The following SPATA18 variants were observed in gnomAD, a reference collection of about 807,000 sequenced individuals.
The protein encoded by SPATA18 is spermatogenesis associated 18.
Under a neutral mutation model 68.1 loss-of-function variants are expected in SPATA18, and 54 were observed. The ratio of observed to expected loss-of-function variants is 0.79; its 90% CI spans 0.64 to 0.99. The LOEUF (loss-of-function observed/expected upper bound fraction) is 0.99. SPATA18 is among the 50% of genes least tolerant of loss of function. The pLI, the probability that SPATA18 is intolerant of heterozygous loss-of-function variation, is 0.00. For synonymous variants in SPATA18, 242 were observed against 244.8 expected (o/e 0.99, Z 0.11); for missense variants, 724 against 681.1 (o/e 1.06, Z -0.70).
chr4:52,067,442 T>C (rs1050053403), intron 4 of SPATA18, among the ~76,000 whole-genome samples: 1 of 152,096 alleles, frequency 6.6e-6, no homozygotes, highest in East Asian at 1.9e-4. Flanking sequence ...ATAACACCCC[T>C]CCTGATCTGG....
intron 11 of SPATA18, among the ~76,000 whole-genome samples, chr4:52,091,469 T>C (rs562623327): frequency 2.8e-4 from 43 of 152,238 alleles, no homozygotes; most frequent in Non-Finnish European, 5.7e-4. Flanking sequence ...TTGGATGGGG[T>C]CTTTGAGTGG....
At chr4:52,058,467 G>T in intron 1 of SPATA18, among the ~76,000 whole-genome samples, 1 of 152,144 alleles carries the variant, frequency 6.6e-6, no homozygotes, top group East Asian at 1.9e-4. Context: ...GGTGCGAAAG[G>T]CTCTCCAGGT....
chr4:52,062,113 C>T (rs970522572), intron 3 of SPATA18, 107 bp from the exon 4 acceptor site: 50 of 653,364 alleles, frequency 7.7e-5, no homozygotes, highest in Non-Finnish European at 1.1e-4. Context: ...TGCATGGAGC[C>T]GTGCATAATT....
intron 1 of SPATA18, among the ~76,000 whole-genome samples, chr4:52,058,806 G>T (rs1341573744): frequency 6.6e-6 from 1 of 152,046 alleles, no homozygotes; most frequent in Non-Finnish European, 1.5e-5. Flanking sequence ...GGGCTGCTGG[G>T]GTCCAATCTC....
chr4:52,089,951 A>G (rs1741791344), intron 11 of SPATA18, among the ~76,000 whole-genome samples: 1 of 152,230 alleles, frequency 6.6e-6, no homozygotes, highest in South Asian at 2.1e-4. Flanking sequence ...AATTTGCTTT[A>G]TGAATCTGGG....
chr4:52,096,787 G>C lies in SPATA18; in HGVS notation c.*1900G>C, dbSNP rs979597398. 1 of 151,262 alleles carries C rather than the reference G, an allele frequency of 6.6e-6. No homozygotes were observed. The highest frequency in any genetic ancestry group is 2.4e-5 in the African/African-American group (1 of 41,226). 9.4% of individuals were successfully genotyped at this position (151,262 alleles called of 1,614,324 possible). On this transcript the variant is annotated 3_prime_UTR_variant, in exon 13 of 13. Transcript: ENST00000295213. Reference sequence around the variant, plus strand: ...AAAAAAAAAAAAACCTTACAGTCTTGCCCTGATTTACACAGCAGTCACATT... The same window carrying C: ...AAAAAAAAAAAAACCTTACAGTCTTCCCCTGATTTACACAGCAGTCACATT...
chr4:52,086,524 T>C (rs1741450425), intron 11 of SPATA18, among the ~76,000 whole-genome samples: 1 of 152,240 alleles, frequency 6.6e-6, no homozygotes, highest in Admixed American at 6.5e-5. Context: ...TGTTTGGTTT[T>C]CTGATCTTAT....
At chr4:52,076,418 A>T (rs1740345561) in intron 6 of SPATA18, among the ~76,000 whole-genome samples, 1 of 152,216 alleles carries the variant, frequency 6.6e-6, no homozygotes, top group South Asian at 2.1e-4. Context: ...GGTAAAATGC[A>T]TCTACTTGTA....
chr4:52,095,217 G>T lies in SPATA18; in HGVS notation c.*330G>T. 1 of 359,610 alleles carries T rather than the reference G, an allele frequency of 2.8e-6. No individual in the cohort carries two copies. Among genetic ancestry groups the T allele is most frequent in the Non-Finnish European group, 5.0e-6 (1 of 200,462 alleles). The allele number at this position is 359,610 out of a possible 1,614,324, so 22.3% of individuals were successfully genotyped here. A position where few individuals can be genotyped will look rare whatever the true frequency, so the allele number is the denominator to read the frequency against. ...AACACTACGCTCTTTTATGGGAACT[G>T]TGTGAACTGAAGTGGAAAGCATCTA... On this transcript the variant is annotated 3_prime_UTR_variant, in exon 13 of 13. Transcript: ENST00000295213.
intron 5 of SPATA18, among the ~76,000 whole-genome samples, chr4:52,071,005 T>C (rs1348076094): frequency 2.0e-5 from 3 of 152,166 alleles, no homozygotes; most frequent in Non-Finnish European, 2.9e-5. Flanking sequence ...ACTGTTCTAT[T>C]TTCTACTTCT....
At chr4:52,085,385 C>T (rs1017359579) in intron 11 of SPATA18, among the ~76,000 whole-genome samples, 17 of 152,210 alleles carry the variant, frequency 1.1e-4, no homozygotes, top group Admixed American at 7.8e-4. Context: ...AGAAATTACT[C>T]AAATGGTCTG....
rs1363573834 is a variant in SPATA18 at position 52,051,808 on chromosome 4, A to C, written c.87+17A>C. The C allele has an allele frequency of 1.2e-6, 2 of 1,609,486 alleles. No individual in the cohort carries two copies. The highest frequency in any genetic ancestry group is 2.2e-5 in the East Asian group (1 of 44,824). On this transcript the variant is annotated intron_variant, in intron 1 of 12. Transcript: ENST00000295213. Reference sequence around the variant, plus strand: ...GAGTACAACGTGAGTCTGGGTGAAAAACCCCCGGGGTTCGCCCTCCCATAG... The same window carrying C: ...GAGTACAACGTGAGTCTGGGTGAAACACCCCCGGGGTTCGCCCTCCCATAG...
Position 52,062,259 on chromosome 4 carries a change from C to A in SPATA18, c.349C>A (p.Arg117=), listed in dbSNP as rs530243452. ...GGAGAGACATAAAGATCCCAGTCCT[C>A]GGGATCGGGATATGCAACAGTTAGA... ...DRERHKDPSP[R]DRDMQQLDSN... is the part of the protein sequence containing the mutation. Residue 117 remains arginine, a synonymous_variant, in exon 4 of 13, where the codon CGG becomes AGG. Transcript: ENST00000295213. The A allele has an allele frequency of 6.2e-6, 10 of 1,603,156 alleles. No homozygotes were observed. The highest frequency in any genetic ancestry group is 5.1e-5 in the Admixed American group (3 of 59,110).
intron 1 of SPATA18, among the ~76,000 whole-genome samples, chr4:52,058,303 G>A (rs1738527863): frequency 6.6e-6 from 1 of 152,142 alleles, no homozygotes; most frequent in African/African-American, 2.4e-5. Flanking sequence ...GATCTTTTTG[G>A]GAGGAGAGAT....
chr4:52,052,284 A>T (rs1560576682), intron 1 of SPATA18, among the ~76,000 whole-genome samples: 1 of 152,206 alleles, frequency 6.6e-6, no homozygotes, highest in Non-Finnish European at 1.5e-5. Context: ...CCCAGAAATC[A>T]GCGAAACGGA....
chr4:52,066,990 T>A (rs541184781), intron 4 of SPATA18, among the ~76,000 whole-genome samples: 14 of 152,268 alleles, frequency 9.2e-5, no homozygotes, highest in African/African-American at 3.4e-4. Context: ...ATAATAGAAT[T>A]ATTTATATTC....
intron 5 of SPATA18, among the ~76,000 whole-genome samples, chr4:52,070,436 A>G (rs889942096): frequency 5.3e-5 from 8 of 151,354 alleles, no homozygotes; most frequent in Middle Eastern, 3.4e-3. Context: ...GAACTGTCAG[A>G]TTATTCCTTA....
At chr4:52,082,558 C>T (rs1258736681) in intron 10 of SPATA18, 48 bp downstream of exon 10, 1 of 1,613,492 alleles carries the variant, frequency 6.2e-7, no homozygotes, top group South Asian at 1.1e-5. Context: ...GTTTGATTCA[C>T]AAGTTCGAGA....
intron 1 of SPATA18, among the ~76,000 whole-genome samples, 164 bp from the exon 2 acceptor site, chr4:52,060,255 T>C (rs536977353): frequency 5.9e-4 from 90 of 152,312 alleles, no homozygotes; most frequent in African/African-American, 2.1e-3. Context: ...TCTAGTTTTG[T>C]GTCCAGGAGG....
Sources: gnomAD v4.1 joint callset for allele counts (sites outside exome capture counted in the v4.1 genomes callset) on GRCh38, gnomAD v4.1.1 for gene constraint, MANE v1.5 for transcripts, NCBI Gene and HGNC (gene_info 2026-07-23, HGNC 2026-07-21) for gene names.